DPP10: variants seen among roughly 807,000 people sequenced by gnomAD.
The protein encoded by DPP10 is dipeptidyl peptidase like 10, also known as inactive dipeptidyl peptidase 10.
A neutral mutation model predicts 120.9 loss-of-function variants in DPP10; 33 were observed. That is an observed-to-expected ratio of 0.27 (90% confidence interval 0.21 to 0.37). The LOEUF (loss-of-function observed/expected upper bound fraction) is 0.37. Among genes scored for constraint, DPP10 ranks in the 10% least tolerant of loss-of-function variants. The pLI, the probability that DPP10 is intolerant of heterozygous loss-of-function variation, is 1.00. For missense variants in DPP10, 816 were observed against 942.8 expected (o/e 0.87, Z 1.76); for synonymous variants, 337 against 326.1 (o/e 1.03, Z -0.36).
chr2:115,753,076 T>G, intron 10 of DPP10, 98 bp from the exon 11 acceptor site: 5 of 1,122,664 alleles, frequency 4.5e-6, no homozygotes, highest in Non-Finnish European at 4.9e-6. Flanking sequence ...CTTATAGTGG[T>G]TCAGTTATTC....
intron 1 of DPP10, among the ~76,000 whole-genome samples, chr2:115,206,190 A>G (rs767408873): frequency 6.6e-6 from 1 of 152,144 alleles, no homozygotes; most frequent in Non-Finnish European, 1.5e-5. Context: ...GACTATGAGG[A>G]CAAGAAAATG....
intron 7 of DPP10, among the ~76,000 whole-genome samples, chr2:115,715,684 AATC>A (rs2092471014): frequency 2.0e-5 from 3 of 152,236 alleles, no homozygotes; most frequent in Admixed American, 2.0e-4. Flanking sequence ...TGAACTGTAT[AATC>A]ATCACGTCTC....
intron 1 of DPP10, among the ~76,000 whole-genome samples, chr2:115,117,734 C>A (rs560896164): frequency 9.2e-5 from 14 of 152,154 alleles, no homozygotes; most frequent in Non-Finnish European, 2.1e-4. Flanking sequence ...TGATGAGAAC[C>A]AGCCTTATCT....
rs931284876 is a variant in DPP10, at chr2:115,407,171, C to T, written c.271+63259C>T. On this transcript the variant is annotated intron_variant, in intron 3 of 25. Coordinates refer to ENST00000410059, the MANE Select transcript of DPP10 (RefSeq NM_020868.6). Reference sequence around the variant, plus strand: ...AACTTCCTGAGCCTCTACCCTGTCTCTGCAGTGCGCAGGTGGGCATTATTC... The same window carrying T: ...AACTTCCTGAGCCTCTACCCTGTCTTTGCAGTGCGCAGGTGGGCATTATTC... 7.9e-5 allele frequency among the ~76,000 whole-genome samples: 12 copies of T among 152,184 alleles called. No homozygotes were observed. In the East Asian group the frequency reaches 2.3e-3, roughly 29 times the overall value.
chr2:115,302,128 A>G (rs2105981500), intron 1 of DPP10, among the ~76,000 whole-genome samples: 1 of 152,068 alleles, frequency 6.6e-6, no homozygotes, highest in Admixed American at 6.6e-5. Flanking sequence ...AGAGTGAGTG[A>G]AGGGGGAAGT....
rs1321753120 is a variant in DPP10 at position 114,834,888 on chromosome 2, GT to G, written c.60+392051del. 2.8e-3 allele frequency among the ~76,000 whole-genome samples: 411 copies of G among 145,648 alleles called. 47 individuals are homozygous for G. Among genetic ancestry groups the G allele is most frequent in the African/African-American group, 0.01 (378 of 36,972 alleles). On this transcript the variant is annotated intron_variant, in intron 1 of 25. Coordinates refer to ENST00000410059, the MANE Select transcript of DPP10 (RefSeq NM_020868.6). ...ATAAAAGACATATCTACACAACTATGTATATATAAGCCATATCTACACACCT... is the reference window on the plus strand; with the variant it reads ...ATAAAAGACATATCTACACAACTATGATATATAAGCCATATCTACACACCT...
intron 1 of DPP10, among the ~76,000 whole-genome samples, chr2:114,931,277 T>C (rs375168386): frequency 6.6e-6 from 1 of 152,172 alleles, no homozygotes; most frequent in African/African-American, 2.4e-5. Flanking sequence ...GTATGGTACA[T>C]TGTTCCACTG....
chr2:115,698,395 C>G (rs1167198371), intron 7 of DPP10, among the ~76,000 whole-genome samples: 1 of 152,172 alleles, frequency 6.6e-6, no homozygotes, highest in African/African-American at 2.4e-5. Context: ...ATACTTACTG[C>G]TGTGGAATTA....
chr2:115,219,026 G>A (rs2056987336), intron 1 of DPP10, among the ~76,000 whole-genome samples: 1 of 151,996 alleles, frequency 6.6e-6, no homozygotes, highest in Non-Finnish European at 1.5e-5. Context: ...TTTAGAGATA[G>A]CATGCATTAT....
At chr2:114,844,067 A>G (rs1300881497) in intron 1 of DPP10, among the ~76,000 whole-genome samples, 1 of 152,102 alleles carries the variant, frequency 6.6e-6, no homozygotes, top group Non-Finnish European at 1.5e-5. Context: ...TTCTTATTAT[A>G]GTGAGCACTG....
At chr2:114,826,002 C>T (rs1388435250) in intron 1 of DPP10, among the ~76,000 whole-genome samples, 1 of 152,168 alleles carries the variant, frequency 6.6e-6, no homozygotes, top group African/African-American at 2.4e-5. Flanking sequence ...GTATAAACCA[C>T]ATTCCAATTG....
At chr2:114,599,870 A>C (rs11686646) in intron 1 of DPP10, among the ~76,000 whole-genome samples, 23,044 of 151,366 alleles carry the variant, frequency 0.15, 2,193 homozygotes, top group African/African-American at 0.27. Context: ...GTAGTTCATG[A>C]TTTTTTTCTA....
At chr2:115,336,819 A>G (rs967477830) in intron 2 of DPP10, among the ~76,000 whole-genome samples, 2 of 151,950 alleles carry the variant, frequency 1.3e-5, no homozygotes, top group African/African-American at 2.4e-5. Flanking sequence ...AAAATGATTT[A>G]CAATCTAATA....
chr2:115,191,760 C>T (rs2054901064), intron 1 of DPP10, among the ~76,000 whole-genome samples: 1 of 152,092 alleles, frequency 6.6e-6, no homozygotes, highest in Admixed American at 6.6e-5. Flanking sequence ...TCGAGCTTTT[C>T]CTTCTCTCCA....
At chr2:114,960,366 G>GTATATATA (rs149462158) in intron 1 of DPP10, among the ~76,000 whole-genome samples, 26,507 of 143,470 alleles carry the variant, frequency 0.18, 2,589 homozygotes, top group South Asian at 0.31. Context: ...GTGTATGTGC[G>GTATATATA]TATATATATA....
chr2:115,797,090 T>A (rs1196379439), intron 19 of DPP10, among the ~76,000 whole-genome samples: 3 of 152,058 alleles, frequency 2.0e-5, no homozygotes, highest in Non-Finnish European at 4.4e-5. Flanking sequence ...CACTGAACAG[T>A]TTATAATAGT....
intron 2 of DPP10, among the ~76,000 whole-genome samples, chr2:115,312,608 T>C (rs1220856495): frequency 1.3e-5 from 2 of 152,164 alleles, no homozygotes; most frequent in East Asian, 3.9e-4. Context: ...TGTACGTCTG[T>C]GGTCAGCCTG....
At position 115,543,826 on chromosome 2, in the gene DPP10, C is replaced by A. The variant is rs182665613; in HGVS notation, c.441+17854C>A. Among the ~76,000 whole-genome samples the A allele has an allele frequency of 1.0e-3, 154 of 152,094 alleles. 1 individual carries two copies. The highest frequency in any genetic ancestry group is 3.4e-3 in the African/African-American group (143 of 41,540). On this transcript the variant is annotated intron_variant, in intron 5 of 25. Transcript: ENST00000410059. ...CGTTAACATTTGATTGTTATTCCTT[C>A]TGCTTATAACAAAGAACTATGAGAT... is the stretch of plus-strand genomic sequence containing the variant.
intron 19 of DPP10, among the ~76,000 whole-genome samples, chr2:115,801,163 T>A (rs2149970560): frequency 6.6e-6 from 1 of 151,846 alleles, no homozygotes; most frequent in South Asian, 2.1e-4. Flanking sequence ...CCCTTGTAAG[T>A]TGGATTCCTA....
Sources: allele counts gnomAD v4.1 joint callset (sites outside exome capture counted in the v4.1 genomes callset), GRCh38; gene constraint gnomAD v4.1.1; transcripts MANE v1.5; gene names NCBI Gene and HGNC (gene_info 2026-07-23, HGNC 2026-07-21).